Variants in FHL5 observed in about 807,000 individuals in gnomAD.
The protein encoded by FHL5 is four and a half LIM domains 5.
A neutral mutation model predicts 32.0 loss-of-function variants in FHL5; 33 were observed. The ratio of observed to expected loss-of-function variants is 1.03; its 90% CI spans 0.78 to 1.38. The LOEUF is 1.38. FHL5 is among the 40% of genes most tolerant of loss of function. FHL5 has a pLI of 0.00. For synonymous variants in FHL5, 114 were observed against 113.6 expected, an observed-to-expected ratio of 1.00 and a Z score of -0.02; for missense variants, 336 against 343.9, an observed-to-expected ratio of 0.98 and a Z score of 0.18.
At chr6:96,600,773 A>G (rs1771131175) in intron 1 of FHL5, among the ~76,000 whole-genome samples, 1 of 152,226 alleles carries the variant, frequency 6.6e-6, no homozygotes, top group Admixed American at 6.5e-5. Context: ...AAGAGGATAA[A>G]CATTCAGTTT....
At chr6:96,586,268 GT>G (rs1770795511) in intron 1 of FHL5, among the ~76,000 whole-genome samples, 2 of 152,210 alleles carry the variant, frequency 1.3e-5, no homozygotes, top group South Asian at 4.2e-4. Flanking sequence ...TGATCCACTT[GT>G]TTTTTAAAAA....
At chr6:96,569,236 T>G (rs980549745) in intron 1 of FHL5, among the ~76,000 whole-genome samples, 6 of 152,080 alleles carry the variant, frequency 3.9e-5, no homozygotes, top group African/African-American at 1.4e-4. Context: ...ATAATTTCTA[T>G]GTATTTGTAC....
At chr6:96,577,672 G>A (rs1463289041) in intron 1 of FHL5, among the ~76,000 whole-genome samples, 2 of 152,132 alleles carry the variant, frequency 1.3e-5, no homozygotes, top group Non-Finnish European at 2.9e-5. Context: ...TTGGTTTTAG[G>A]CATGGAATGA....
chr6:96,564,472 A>G (rs1368901955), intron 1 of FHL5, among the ~76,000 whole-genome samples: 1 of 152,172 alleles, frequency 6.6e-6, no homozygotes, highest in East Asian at 1.9e-4. Flanking sequence ...TGTTCTACCT[A>G]AGCAAGAGTA....
chr6:96,580,278 T>G (rs1486115651), intron 1 of FHL5, among the ~76,000 whole-genome samples: 2 of 152,190 alleles, frequency 1.3e-5, no homozygotes, highest in African/African-American at 4.8e-5. Flanking sequence ...ATCCAAGACC[T>G]TTTTAGAGAT....
intron 1 of FHL5, among the ~76,000 whole-genome samples, chr6:96,592,826 GTTAT>G (rs1770950221): frequency 2.0e-5 from 3 of 152,118 alleles, no homozygotes; most frequent in Admixed American, 6.6e-5. Context: ...CTTTTGATAT[GTTAT>G]TTGTCTTTCG....
At chr6:96,582,424 G>A (rs1770713743) in intron 1 of FHL5, among the ~76,000 whole-genome samples, 1 of 151,878 alleles carries the variant, frequency 6.6e-6, no homozygotes, top group South Asian at 2.1e-4. Flanking sequence ...AAGAATGTTT[G>A]ATAAAATATT....
At chr6:96,613,476 C>A (rs1049616234) in intron 5 of FHL5, among the ~76,000 whole-genome samples, 6 of 152,292 alleles carry the variant, frequency 3.9e-5, no homozygotes, top group African/African-American at 1.4e-4. Context: ...GTCCTCCCTG[C>A]CCCCACTGCT....
intron 1 of FHL5, among the ~76,000 whole-genome samples, chr6:96,586,664 AC>A (rs758673463): frequency 1.3e-5 from 2 of 152,232 alleles, no homozygotes; most frequent in Non-Finnish European, 2.9e-5. Context: ...GCAGCAGCAA[AC>A]CATTCACATA....
upstream of FHL5, chr6:96,562,796 C>T (rs1452458786): frequency 6.6e-6 from 1 of 152,174 alleles, no homozygotes; most frequent in African/African-American, 2.4e-5. Context: ...AAAAGAAAAG[C>T]TCAGCGGTTC....
chr6:96,594,262 TATATATATA>T (rs1562059703), intron 1 of FHL5, among the ~76,000 whole-genome samples: 4,346 of 102,704 alleles, frequency 0.042, 123 homozygotes, highest in Middle Eastern at 0.071. Context: ...TATATATATA[TATATATATA>T]TATGTATGTA....
intron 5 of FHL5, 49 bp from the exon 6 acceptor site, chr6:96,615,560 T>C (rs1771499466): frequency 1.3e-6 from 2 of 1,493,138 alleles, no homozygotes; most frequent in Non-Finnish European, 1.8e-6. Context: ...GAATGCTCAA[T>C]CTGTTCCTTG....
intron 1 of FHL5, among the ~76,000 whole-genome samples, chr6:96,583,725 G>A (rs1770740991): frequency 6.6e-6 from 1 of 152,034 alleles, no homozygotes; most frequent in Non-Finnish European, 1.5e-5. Context: ...ATCAAAGGCT[G>A]CCTTCTTCAG....
intron 1 of FHL5, among the ~76,000 whole-genome samples, chr6:96,578,332 A>AT (rs966657642): frequency 6.6e-6 from 1 of 152,050 alleles, no homozygotes; most frequent in Non-Finnish European, 1.5e-5. Flanking sequence ...GTAGAAGTTA[A>AT]TTTTTTTTCT....
intron 5 of FHL5, among the ~76,000 whole-genome samples, chr6:96,615,125 A>G (rs1298950064): frequency 1.3e-5 from 2 of 152,202 alleles, no homozygotes; most frequent in Non-Finnish European, 2.9e-5. Flanking sequence ...GAAGAAAACT[A>G]AAACTCATTA....
In FHL5 at chr6:96,563,149, A is replaced by G. The variant is rs1191859971; in HGVS notation, c.-219A>G. On this transcript the variant is annotated 5_prime_UTR_variant, in exon 1 of 6. Transcript: ENST00000450218. Reference sequence around the variant, plus strand: ...GCCCAGTAGGAGTCATGTACACGGTATAAGACTTGGAGGAAATGCAGGGAC... The same window carrying G: ...GCCCAGTAGGAGTCATGTACACGGTGTAAGACTTGGAGGAAATGCAGGGAC... 1.3e-5 allele frequency: 2 copies of G among 152,162 alleles called. No homozygotes were observed. Among genetic ancestry groups the G allele is most frequent in the African/African-American group, 2.4e-5 (1 of 41,452 alleles). 9.4% of individuals were successfully genotyped at this position (152,162 alleles called of 1,614,324 possible). A position where few individuals can be genotyped will look rare whatever the true frequency, so the allele number is the denominator to read the frequency against.
At chr6:96,595,315 T>C (rs1771013205) in intron 1 of FHL5, among the ~76,000 whole-genome samples, 1 of 151,928 alleles carries the variant, frequency 6.6e-6, no homozygotes, top group African/African-American at 2.4e-5. Flanking sequence ...TGTTGCTGTT[T>C]AGAAGTTATC....
At chr6:96,610,220 T>C (rs1319730441) in intron 4 of FHL5, among the ~76,000 whole-genome samples, 1 of 152,064 alleles carries the variant, frequency 6.6e-6, no homozygotes, top group African/African-American at 2.4e-5. Context: ...ACCTGTGTGG[T>C]TTTTCTCCCC....
chr6:96,611,594 T>C (rs1771409769), intron 5 of FHL5, among the ~76,000 whole-genome samples: 1 of 152,270 alleles, frequency 6.6e-6, no homozygotes, highest in African/African-American at 2.4e-5. Flanking sequence ...ATCTACTTTC[T>C]ATTCCTAGTA....
Sources: allele counts gnomAD v4.1 joint callset (sites outside exome capture counted in the v4.1 genomes callset), GRCh38; gene constraint gnomAD v4.1.1; transcripts MANE v1.5; gene names NCBI Gene and HGNC (gene_info 2026-07-23, HGNC 2026-07-21).